CNGA3: variants seen among roughly 807,000 people sequenced by gnomAD.
CNGA3 encodes cyclic nucleotide gated channel subunit alpha 3, also known as cyclic nucleotide-gated channel alpha-3.
Under a neutral mutation model 46.6 loss-of-function variants are expected in CNGA3, and 42 were observed. That is an observed-to-expected ratio of 0.90 (90% confidence interval 0.70 to 1.17). The LOEUF (loss-of-function observed/expected upper bound fraction) is 1.17. CNGA3 is among the 50% of genes most tolerant of loss of function. The pLI is 0.00. For missense variants in CNGA3, 893 were observed against 890.7 expected, an observed-to-expected ratio of 1.00 and a Z score of -0.03; for synonymous variants, 394 against 369.4, an observed-to-expected ratio of 1.07 and a Z score of -0.76.
rs968039620 is a variant in CNGA3, at chr2:98,391,896, T to C, written c.599T>C (p.Leu200Pro). ...TTCGATGAGCTGCAGTCCGAGTACC[T>C]GATGCTGTGGCTGGTCCTGGACTAC... ...ACFDELQSEY[L>P]MLWLVLDYSA... The change falls in exon 7 of 8, where the codon CTG becomes CCG. Residue 200 changes from leucine to proline, a missense_variant. Around this residue, in one of 3 missense-constraint regions of CNGA3, gnomAD observed 333 missense variants for 290.8 expected, o/e 1.15. Coordinates refer to ENST00000272602, the MANE Select transcript of CNGA3 (RefSeq NM_001298.3). 1.9e-6 allele frequency: 3 copies of C among 1,614,164 alleles called. No homozygotes were observed. In the African/African-American group the frequency reaches 4.0e-5, roughly 22 times the overall value.
At chr2:98,365,160 A>T (rs1418031305) in intron 1 of CNGA3, among the ~76,000 whole-genome samples, 1 of 151,814 alleles carries the variant, frequency 6.6e-6, no homozygotes, top group African/African-American at 2.4e-5. Flanking sequence ...GCCTCAGCCT[A>T]CTGAGGTCCA....
At position 98,351,572 on chromosome 2, in the gene CNGA3, G is replaced by A. The variant is rs561702960; in HGVS notation, c.-38+5038G>A. On this transcript the variant is annotated intron_variant, in intron 1 of 7. Transcript: ENST00000272602. ...TTTCTTTTGTAAATTACCCATTCTC[G>A]GGTATGTCTTTATCAGCAGCATGAA... is the stretch of plus-strand genomic sequence containing the variant. Among the ~76,000 whole-genome samples the A allele has an allele frequency of 5.3e-5, 8 of 152,222 alleles. No individual in the cohort carries two copies. The South Asian group carries it at 1.2e-3, about 24-fold the overall frequency.
intron 1 of CNGA3, among the ~76,000 whole-genome samples, chr2:98,363,181 C>A (rs1001070330): frequency 4.6e-5 from 7 of 152,092 alleles, no homozygotes. Context: ...TTTTCTAATT[C>A]TGTGAAGAAT....
chr2:98,380,025 C>A (rs1163751729), intron 3 of CNGA3, 150 bp from the exon 4 acceptor site: 6 of 891,246 alleles, frequency 6.7e-6, no homozygotes, highest in African/African-American at 4.9e-5. Context: ...GGGCCCCCAG[C>A]ACCCGTACCC....
Position 98,397,032 on chromosome 2 carries a change from C to T in CNGA3, c.1862C>T (p.Ala621Val), listed in dbSNP as rs200819699. ...GATGAGGAGCTGGCCAGGGCGGGCG[C>T]GGACCCCAAGGACCTTGAGGAGAAA... is the stretch of plus-strand genomic sequence containing the variant. Reference protein sequence around the residue: ...LIDEELARAGADPKDLEEKVE... With the variant: ...LIDEELARAGVDPKDLEEKVE... The change falls in exon 8 of 8, where the codon GCG (alanine) becomes GTG (valine). Residue 621 changes from alanine to valine, a missense_variant. This residue lies in a region of CNGA3 where 548 missense variants were observed against 570.8 expected (regional missense o/e 0.96). Transcript: ENST00000272602. The T allele has an allele frequency of 4.6e-5, 75 of 1,613,960 alleles. No individual in the cohort carries two copies. The highest frequency in any genetic ancestry group is 3.9e-4 in the African/African-American group (29 of 75,024).
intron 1 of CNGA3, among the ~76,000 whole-genome samples, chr2:98,364,943 A>T (rs533818631): frequency 6.6e-6 from 1 of 152,032 alleles, no homozygotes; most frequent in East Asian, 1.9e-4. Context: ...TTGGCCTCCA[A>T]TCTCTTCTGG....
chr2:98,397,163 C>T lies in CNGA3; in HGVS notation c.1993C>T (p.Leu665=). The T allele has an allele frequency of 6.2e-7, 1 of 1,614,106 alleles. No individual in the cohort carries two copies. Residue 665 remains leucine (L), a synonymous_variant, in exon 8 of 8, where the codon CTG becomes TTG. Coordinates refer to ENST00000272602, the MANE Select transcript of CNGA3 (RefSeq NM_001298.3). The part of the protein sequence containing the change: ...QMKMKQRLSQ[L]ESQVKGGGDK... Reference sequence around the variant, plus strand: ...GAAGATGAAGCAGCGTCTCAGCCAACTGGAAAGCCAGGTGAAGGGTGGTGG... The same window carrying T: ...GAAGATGAAGCAGCGTCTCAGCCAATTGGAAAGCCAGGTGAAGGGTGGTGG...
chr2:98,351,777 A>T (rs1691775816), intron 1 of CNGA3, among the ~76,000 whole-genome samples: 2 of 152,158 alleles, frequency 1.3e-5, no homozygotes, highest in South Asian at 4.1e-4. Context: ...ATTATGTTTC[A>T]TGAGTTTCTT....
At chr2:98,376,086 G>A (rs1473387992) in intron 2 of CNGA3, among the ~76,000 whole-genome samples, 2 of 152,144 alleles carry the variant, frequency 1.3e-5, no homozygotes, top group African/African-American at 2.4e-5. Flanking sequence ...GAGTTACTCA[G>A]ATCAGTGGGA....
chr2:98,347,911 C>T (rs1351535379), intron 1 of CNGA3, among the ~76,000 whole-genome samples: 1 of 152,222 alleles, frequency 6.6e-6, no homozygotes, highest in Non-Finnish European at 1.5e-5. Flanking sequence ...TGTCTGGGCA[C>T]GGAGTCCAAT....
intron 1 of CNGA3, among the ~76,000 whole-genome samples, chr2:98,353,654 A>G (rs1418344134): frequency 6.6e-6 from 1 of 152,244 alleles, no homozygotes; most frequent in East Asian, 1.9e-4. Flanking sequence ...AATCTAATAA[A>G]TAACCTACTG....
Position 98,396,067 on chromosome 2 carries a change from T to C in CNGA3, c.897T>C (p.Asn299=), listed in dbSNP as rs1692904675. The change falls in exon 8 of 8, where the codon AAT becomes AAC. Residue 299 remains asparagine (N), a synonymous_variant. Coordinates refer to ENST00000272602, the MANE Select transcript of CNGA3 (RefSeq NM_001298.3). ...CAGAGACAAGGACCAACTACCCCAATATGTTCAGGATTGGGAACTTGGTCT... is the reference window on the plus strand; with the variant it reads ...CAGAGACAAGGACCAACTACCCCAACATGTTCAGGATTGGGAACTTGGTCT... ...DRTETRTNYP[N]MFRIGNLVLY... 6.2e-7 allele frequency: 1 copy of C among 1,614,066 alleles called. No homozygotes were observed. The highest frequency in any genetic ancestry group is 8.5e-7 in the Non-Finnish European group (1 of 1,180,028).
At chr2:98,376,017 G>A (rs561619472) in intron 2 of CNGA3, among the ~76,000 whole-genome samples, 1 of 152,140 alleles carries the variant, frequency 6.6e-6, no homozygotes, top group Non-Finnish European at 1.5e-5. Flanking sequence ...TTTGTGAGTA[G>A]GATGGTGTTG....
At chr2:98,361,294 T>C (rs1192373026) in intron 1 of CNGA3, among the ~76,000 whole-genome samples, 2 of 152,178 alleles carry the variant, frequency 1.3e-5, no homozygotes, top group East Asian at 1.9e-4. Context: ...GGTTTTCTGC[T>C]TCCGAGTTAG....
intron 1 of CNGA3, among the ~76,000 whole-genome samples, chr2:98,365,793 C>G (rs750225384): frequency 6.6e-6 from 1 of 152,138 alleles, no homozygotes; most frequent in Non-Finnish European, 1.5e-5. Flanking sequence ...GTTAACAGCT[C>G]CTGTAATGTT....
chr2:98,369,885 T>C, intron 1 of CNGA3, 54 bp from the exon 2 acceptor site: 1 of 1,187,518 alleles, frequency 8.4e-7, no homozygotes, highest in Non-Finnish European at 1.2e-6. Context: ...ATGAGCTGGG[T>C]TTGCAGTTAC....
intron 2 of CNGA3, 63 bp downstream of exon 2, chr2:98,370,139 C>T: frequency 2.2e-6 from 3 of 1,334,408 alleles, no homozygotes; most frequent in Non-Finnish European, 3.2e-6. Flanking sequence ...CACAGCTGAT[C>T]TAGACTGTGG....
chr2:98,390,949 G>A (rs777086841), intron 6 of CNGA3, among the ~76,000 whole-genome samples: 12 of 152,150 alleles, frequency 7.9e-5, no homozygotes, highest in South Asian at 2.1e-4. Flanking sequence ...GGGGCTCTCC[G>A]GAGCCAGTAT....
rs1553450764 is a variant in CNGA3 at position 98,396,490 on chromosome 2, G to A, written c.1320G>A (p.Trp440Ter). ...ACTTGGAGACGCGGGTTATCCGGTG[G>A]TTTGACTACCTGTGGGCCAACAAGA... The part of the protein sequence containing the change: ...TKDLETRVIR[W>*]FDYLWANKKT... The change falls in exon 8 of 8, where the codon TGG becomes TGA. Residue 440 changes from tryptophan to a stop codon, truncating the protein, a stop_gained. Transcript: ENST00000272602. LOFTEE classifies it high-confidence loss of function. The A allele has an allele frequency of 1.2e-6, 2 of 1,613,926 alleles. No individual in the cohort carries two copies. The highest frequency in any genetic ancestry group is 8.5e-7 in the Non-Finnish European group (1 of 1,180,050).
Sources: gnomAD v4.1 joint callset for allele counts (sites outside exome capture counted in the v4.1 genomes callset) on GRCh38, gnomAD v4.1.1 for gene constraint, gnomAD v4.1.1 regional missense constraint, MANE v1.5 for transcripts, NCBI Gene and HGNC (gene_info 2026-07-23, HGNC 2026-07-21) for gene names.